The following ZNF385D variants were observed in gnomAD, a reference collection of about 807,000 sequenced individuals.
The protein encoded by ZNF385D is zinc finger protein 659.
In ZNF385D, 15 loss-of-function variants were observed where a neutral mutation model predicts 35.8. The ratio of observed to expected loss-of-function variants is 0.42; its 90% CI spans 0.28 to 0.64. The LOEUF (loss-of-function observed/expected upper bound fraction) is 0.64. Ranked by LOEUF, ZNF385D falls within the 30% of genes least tolerant of loss-of-function variation. The pLI is 0.23. For missense variants in ZNF385D, 474 were observed against 494.6 expected (o/e 0.96, Z 0.39); for synonymous variants, 212 against 186.8 (o/e 1.13, Z -1.10).
chr3:22,087,861 G>A (rs996752432), intron 3 of ZNF385D, among the ~76,000 whole-genome samples: 10 of 152,144 alleles, frequency 6.6e-5, no homozygotes, highest in African/African-American at 2.4e-4. Flanking sequence ...CCAAAAGCCT[G>A]TATTAAAGGG....
At chr3:21,807,159 T>C (rs2072688967) in intron 3 of ZNF385D, among the ~76,000 whole-genome samples, 2 of 152,206 alleles carry the variant, frequency 1.3e-5, no homozygotes, top group African/African-American at 2.4e-5. Context: ...TAGAAAAGAA[T>C]AGCTAAAATT....
intron 3 of ZNF385D, among the ~76,000 whole-genome samples, chr3:21,855,274 A>T (rs6802403): frequency 0.03 from 4,584 of 152,096 alleles, 192 homozygotes; most frequent in East Asian, 0.11. Flanking sequence ...TGATAAAAAA[A>T]ATTTTACTCT....
intron 2 of ZNF385D, among the ~76,000 whole-genome samples, chr3:22,272,344 T>G (rs1465112232): frequency 1.3e-5 from 2 of 152,032 alleles, no homozygotes; most frequent in Non-Finnish European, 2.9e-5. Flanking sequence ...CTCCAATATC[T>G]AAATTTCTAA....
At chr3:21,961,771 G>A (rs906545184) in intron 3 of ZNF385D, among the ~76,000 whole-genome samples, 3 of 152,084 alleles carry the variant, frequency 2.0e-5, no homozygotes, top group African/African-American at 2.4e-5. Context: ...TAGTTCTGAA[G>A]AATACACACA....
intron 2 of ZNF385D, among the ~76,000 whole-genome samples, chr3:21,657,629 A>G (rs2125238314): frequency 6.6e-6 from 1 of 152,064 alleles, no homozygotes; most frequent in Admixed American, 6.6e-5. Context: ...TCAATACTGT[A>G]TTTACGACGG....
chr3:21,616,449 T>G (rs1472123709), intron 2 of ZNF385D, among the ~76,000 whole-genome samples: 1 of 152,182 alleles, frequency 6.6e-6, no homozygotes, highest in Non-Finnish European at 1.5e-5. Context: ...GAAAATCAAT[T>G]TCCTTGCGGG....
intron 3 of ZNF385D, among the ~76,000 whole-genome samples, chr3:22,135,876 A>C (rs766302059): frequency 6.8e-6 from 1 of 147,900 alleles, no homozygotes; most frequent in Non-Finnish European, 1.5e-5. Context: ...CAATTAAATA[A>C]AGAAAGGTTA....
intron 2 of ZNF385D, among the ~76,000 whole-genome samples, chr3:22,298,733 A>C (rs559692199): frequency 1.3e-5 from 2 of 151,008 alleles, no homozygotes; most frequent in African/African-American, 4.8e-5. Context: ...AAAATGATCT[A>C]ATTTCCATTT....
At chr3:22,195,381 T>C (rs920486356) in intron 2 of ZNF385D, among the ~76,000 whole-genome samples, 2 of 151,966 alleles carry the variant, frequency 1.3e-5, no homozygotes, top group Non-Finnish European at 2.9e-5. Flanking sequence ...CACAAACATA[T>C]ATATATTTTT....
At chr3:22,172,873 A>G (rs1559426997) in intron 2 of ZNF385D, among the ~76,000 whole-genome samples, 1 of 152,078 alleles carries the variant, frequency 6.6e-6, no homozygotes, top group African/African-American at 2.4e-5. Flanking sequence ...AGGGCACAAC[A>G]CTCTTCTTCC....
At chr3:21,863,493 G>C (rs1053787666) in intron 3 of ZNF385D, among the ~76,000 whole-genome samples, 1 of 152,076 alleles carries the variant, frequency 6.6e-6, no homozygotes, top group Admixed American at 6.6e-5. Flanking sequence ...ATGAGAAATA[G>C]AAATAGAATG....
chr3:22,012,625 G>T (rs1463259572), intron 3 of ZNF385D, among the ~76,000 whole-genome samples: 7 of 152,106 alleles, frequency 4.6e-5, no homozygotes, highest in Non-Finnish European at 8.8e-5. Context: ...TAGGAATGTG[G>T]ATATGATACT....
intron 3 of ZNF385D, among the ~76,000 whole-genome samples, chr3:21,524,031 G>T (rs1158505751): frequency 1.3e-5 from 2 of 152,182 alleles, no homozygotes; most frequent in Non-Finnish European, 2.9e-5. Flanking sequence ...TTGAGGGGTG[G>T]TCTCAAAGAT....
chr3:21,424,318 T>TATATATATTTATATATATATATA (rs375587956), intron 6 of ZNF385D, among the ~76,000 whole-genome samples: 1 of 41,842 alleles, frequency 2.4e-5, no homozygotes, highest in African/African-American at 1.0e-4. Flanking sequence ...TATATATATA[T>TATATATATTTATATATATATATA]TTTTTTTTTT....
chr3:22,339,287 A>G (rs1695317393), intron 2 of ZNF385D, among the ~76,000 whole-genome samples: 1 of 152,202 alleles, frequency 6.6e-6, no homozygotes, highest in Non-Finnish European at 1.5e-5. Context: ...TGCGTAAGTA[A>G]ATACTTGAAA....
At chr3:21,500,628 T>C (rs911308451) in intron 4 of ZNF385D, among the ~76,000 whole-genome samples, 2 of 152,180 alleles carry the variant, frequency 1.3e-5, no homozygotes, top group African/African-American at 4.8e-5. Flanking sequence ...TGGAGGAATA[T>C]TCCAGGCAAA....
chr3:21,749,178 T>C (rs2069932096), intron 1 of ZNF385D, among the ~76,000 whole-genome samples: 1 of 152,196 alleles, frequency 6.6e-6, no homozygotes, highest in African/African-American at 2.4e-5. Context: ...ATTCGTACTA[T>C]TAAAAACTTG....
intron 2 of ZNF385D, among the ~76,000 whole-genome samples, chr3:22,203,086 C>A (rs753915444): frequency 1.3e-5 from 2 of 152,036 alleles, no homozygotes; most frequent in Non-Finnish European, 2.9e-5. Context: ...TCTGCTACTC[C>A]TCCCTCAATC....
At chr3:21,759,137 G>T (rs1575600871) in intron 3 of ZNF385D, among the ~76,000 whole-genome samples, 1 of 151,958 alleles carries the variant, frequency 6.6e-6, no homozygotes, top group Non-Finnish European at 1.5e-5. Context: ...AAAAACAAAG[G>T]TAACATAAAT....
Sources: allele counts gnomAD v4.1 joint callset (sites outside exome capture counted in the v4.1 genomes callset), GRCh38; gene constraint gnomAD v4.1.1; transcripts MANE v1.5; gene names NCBI Gene and HGNC (gene_info 2026-07-23, HGNC 2026-07-21).